Variants in TNRC6A observed in about 807,000 individuals in gnomAD.
The protein encoded by TNRC6A is trinucleotide repeat-containing gene 6A protein.
In TNRC6A, 44 loss-of-function variants were observed where a neutral mutation model predicts 221.2. The observed-to-expected ratio is 0.20, with a 90% confidence interval of 0.16 to 0.26. The LOEUF is 0.26. TNRC6A is among the 10% of genes least tolerant of loss of function. The pLI, the probability that TNRC6A is intolerant of heterozygous loss-of-function variation, is 1.00. For missense variants in TNRC6A, 2,199 were observed against 2,404.4 expected (o/e 0.91, Z 1.79); for synonymous variants, 847 against 838.5 (o/e 1.01, Z -0.18).
chr16:24,670,068 G>A (rs1447657272), intron 2 of TNRC6A, among the ~76,000 whole-genome samples: 1 of 146,954 alleles, frequency 6.8e-6, no homozygotes, highest in African/African-American at 2.5e-5. Context: ...CCATGCCTTA[G>A]CCTCCCTAGT....
At chr16:24,628,796 G>C (rs7197196) in intron 1 of TNRC6A, among the ~76,000 whole-genome samples, 1 of 151,594 alleles carries the variant, frequency 6.6e-6, no homozygotes, top group East Asian at 1.9e-4. Context: ...TTTCAATGTC[G>C]GTGCCCCTAA....
chr16:24,671,021 C>T (rs376623827), intron 2 of TNRC6A: 17 of 386,414 alleles, frequency 4.4e-5, no homozygotes, highest in East Asian at 2.0e-4. Context: ...TCATCTTCCT[C>T]GCCAGCCAAT....
rs926944942 is a variant in TNRC6A, at chr16:24,790,195, A to G, written c.1553A>G (p.Tyr518Cys). The G allele has an allele frequency of 6.2e-7, 1 of 1,614,220 alleles. No homozygotes were observed. The highest frequency in any genetic ancestry group is 1.3e-5 in the African/African-American group (1 of 75,044). Residue 518 changes from tyrosine to cysteine, a missense_variant, in exon 6 of 25, where the codon TAT (tyrosine) becomes TGT (cysteine). Coordinates refer to ENST00000395799, the MANE Select transcript of TNRC6A (RefSeq NM_014494.4). ...GGAGAGTCAAAAAGTGGAGGCTCTT[A>G]TGGTACTACATGGGGTGCCTATGGT... ...SNGESKSGGS[Y>C]GTTWGAYGSN...
At chr16:24,695,569 T>A (rs903295206) in intron 2 of TNRC6A, among the ~76,000 whole-genome samples, 2 of 151,826 alleles carry the variant, frequency 1.3e-5, no homozygotes, top group Admixed American at 6.6e-5. Context: ...CCGGCTAATT[T>A]TTGTGTTTTT....
intron 2 of TNRC6A, among the ~76,000 whole-genome samples, chr16:24,692,129 G>A (rs764545209): frequency 6.6e-6 from 1 of 152,084 alleles, no homozygotes; most frequent in Admixed American, 6.6e-5. Flanking sequence ...CATGCTACAG[G>A]GTTTCTTTTG....
At position 24,809,211 on chromosome 16, in the gene TNRC6A, G is replaced by A. The variant is rs184321339; in HGVS notation, c.4541-139G>A. 2.0e-4 allele frequency: 149 copies of A among 744,850 alleles called. 1 individual carries two copies. The East Asian group carries it at 3.3e-3, about 17-fold the overall frequency. 46.1% of individuals were successfully genotyped at this position (744,850 alleles called of 1,614,324 possible). A position where few individuals can be genotyped will look rare whatever the true frequency, so the allele number is the denominator to read the frequency against. On this transcript the variant is annotated intron_variant, in intron 17 of 24. Coordinates refer to ENST00000395799, the MANE Select transcript of TNRC6A (RefSeq NM_014494.4). ...AATTTTATGGAGAAATATTTTCTAC[G>A]TATAACTAAATTATAGTATTAACAG...
At chr16:24,767,992 A>G (rs886064315) in intron 4 of TNRC6A, among the ~76,000 whole-genome samples, 1 of 152,188 alleles carries the variant, frequency 6.6e-6, no homozygotes. Context: ...ACTTGTTTTT[A>G]AATATATGGA....
chr16:24,790,785 C>T lies in TNRC6A; in HGVS notation c.2143C>T (p.Pro715Ser). ...QSIVNRTDLD[P>S]RVLSNSGWGQ... ...CATTGTAAACAGAACTGACTTAGAT[C>T]CACGTGTCCTGTCCAACTCTGGTTG... Residue 715 changes from proline (P) to serine (S), a missense_variant, in exon 6 of 25, where the codon CCA becomes TCA. This residue lies in a region of TNRC6A where 1,405 missense variants were observed against 1,400.2 expected (regional missense o/e 1.00). Coordinates refer to ENST00000395799, the MANE Select transcript of TNRC6A (RefSeq NM_014494.4). 1 of 1,614,126 alleles carries T rather than the reference C, an allele frequency of 6.2e-7. No individual in the cohort carries two copies. Among genetic ancestry groups the T allele is most frequent in the South Asian group, 1.1e-5 (1 of 91,076 alleles).
chr16:24,823,254 T>G lies in TNRC6A; in HGVS notation c.5514-178T>G, dbSNP rs973485131. Among the ~76,000 whole-genome samples the G allele has an allele frequency of 6.6e-6, 1 of 152,204 alleles. No individual in the cohort carries two copies. Among genetic ancestry groups the G allele is most frequent in the Non-Finnish European group, 1.5e-5 (1 of 68,030 alleles). On this transcript the variant is annotated intron_variant, in intron 24 of 24. Coordinates refer to ENST00000395799, the MANE Select transcript of TNRC6A (RefSeq NM_014494.4). This position sits in a 1 kb window ranked among gnomAD's most constrained non-coding sequence, Gnocchi z 4.3. ...TCGCTCTGGGCAAGGCACCAGGCCC[T>G]GGAGAGCTGTGGGTGCACACTCGGG...
At chr16:24,802,314 C>T (rs2058346359) in intron 11 of TNRC6A, among the ~76,000 whole-genome samples, 1 of 152,052 alleles carries the variant, frequency 6.6e-6, no homozygotes, top group South Asian at 2.1e-4. Context: ...TTCAGGAGGC[C>T]GAGGTGGACA....
chr16:24,641,558 A>G (rs1901954464), intron 2 of TNRC6A, among the ~76,000 whole-genome samples: 2 of 152,200 alleles, frequency 1.3e-5, no homozygotes, highest in Non-Finnish European at 2.9e-5. Flanking sequence ...TGAAATCTGC[A>G]TCAAAGTGGG....
At chr16:24,614,645 C>T (rs1162061407) in intron 1 of TNRC6A, among the ~76,000 whole-genome samples, 1 of 152,114 alleles carries the variant, frequency 6.6e-6, no homozygotes, top group Non-Finnish European at 1.5e-5. Flanking sequence ...GATTGTTCCC[C>T]GTAATGAAAT....
rs549893102 is a variant in TNRC6A, at chr16:24,791,396, T to C, written c.2754T>C (p.Pro918=). ...GGGATGAATCTTCTAAACCTACTCC[T>C]TCCCAGGGATGGGGAGACCCTCCAA... ...SGWDESSKPT[P]SQGWGDPPKS... Residue 918 remains proline, a synonymous_variant, in exon 6 of 25, where the codon CCT becomes CCC. Coordinates refer to ENST00000395799, the MANE Select transcript of TNRC6A (RefSeq NM_014494.4). The C allele has an allele frequency of 5.7e-6, 9 of 1,568,662 alleles. No individual in the cohort carries two copies. The highest frequency in any genetic ancestry group is 5.4e-5 in the African/African-American group (4 of 73,772).
At chr16:24,784,255 G>A (rs913119632) in intron 5 of TNRC6A, among the ~76,000 whole-genome samples, 3 of 152,130 alleles carry the variant, frequency 2.0e-5, no homozygotes, top group Non-Finnish European at 2.9e-5. Flanking sequence ...TCCCGCCTCG[G>A]CCTCTCAAGG....
intron 2 of TNRC6A, among the ~76,000 whole-genome samples, chr16:24,702,601 C>G (rs2056008847): frequency 6.6e-6 from 1 of 152,092 alleles, no homozygotes; most frequent in South Asian, 2.1e-4. Context: ...TTCACATACC[C>G]TACAATTCAC....
chr16:24,797,589 C>T lies in TNRC6A; in HGVS notation c.3642+19C>T. 2.6e-6 allele frequency: 4 copies of T among 1,549,704 alleles called. No individual in the cohort carries two copies. The highest frequency in any genetic ancestry group is 3.5e-6 in the Non-Finnish European group (4 of 1,130,774). Reference sequence around the variant, plus strand: ...TTTTTCGGTAAGTATGTTTTCTTAGCAGCTCCTTCCTCTTTTAATGGTGGT... The same window carrying T: ...TTTTTCGGTAAGTATGTTTTCTTAGTAGCTCCTTCCTCTTTTAATGGTGGT... On this transcript the variant is annotated intron_variant, in intron 10 of 24. Coordinates refer to ENST00000395799, the MANE Select transcript of TNRC6A (RefSeq NM_014494.4).
intron 2 of TNRC6A, among the ~76,000 whole-genome samples, chr16:24,691,218 T>C (rs975208091): frequency 6.6e-6 from 1 of 151,944 alleles, no homozygotes; most frequent in Non-Finnish European, 1.5e-5. Context: ...CTCTAATTAG[T>C]ATTCTTTTCC....
intron 2 of TNRC6A, among the ~76,000 whole-genome samples, chr16:24,748,455 A>G (rs1328990896): frequency 1.3e-5 from 2 of 152,144 alleles, no homozygotes; most frequent in Admixed American, 1.3e-4. Context: ...AGAGTGAGTC[A>G]TGGCCACAGT....
At chr16:24,668,504 C>A (rs1405962870) in intron 2 of TNRC6A, among the ~76,000 whole-genome samples, 1 of 152,186 alleles carries the variant, frequency 6.6e-6, no homozygotes, top group Non-Finnish European at 1.5e-5. Context: ...CGACTTCCCC[C>A]ACTGGGCTTC....
Sources: gnomAD v4.1 joint callset for allele counts (sites outside exome capture counted in the v4.1 genomes callset) on GRCh38, gnomAD v4.1.1 for gene constraint, gnomAD v4.1.1 regional missense constraint, Gnocchi (gnomAD v3.1) non-coding constraint, MANE v1.5 for transcripts, NCBI Gene and HGNC (gene_info 2026-07-23, HGNC 2026-07-21) for gene names.